ASIC2: variants seen among roughly 807,000 people sequenced by gnomAD.
The protein encoded by ASIC2 is acid-sensing ion channel 2.
Under a neutral mutation model 57.3 loss-of-function variants are expected in ASIC2, and 25 were observed. That is an observed-to-expected ratio of 0.44 (90% CI 0.32 to 0.61). ASIC2 has a LOEUF of 0.61. Ranked by LOEUF, ASIC2 falls within the 20% of genes least tolerant of loss-of-function variation. The pLI is 0.06. For synonymous variants in ASIC2, 319 were observed against 307.5 expected (o/e 1.04, Z -0.39); for missense variants, 641 against 738.1 (o/e 0.87, Z 1.52).
intron 1 of ASIC2, among the ~76,000 whole-genome samples, chr17:33,844,529 A>G (rs1201835317): frequency 1.3e-5 from 2 of 152,170 alleles, no homozygotes; most frequent in Admixed American, 1.3e-4. Context: ...CTGCCCCAAC[A>G]TTGCTGTTGT....
chr17:33,530,240 T>C (rs1171209093), intron 1 of ASIC2: 1 of 152,224 alleles, frequency 6.6e-6, no homozygotes, highest in Non-Finnish European at 1.5e-5. Flanking sequence ...CATGGAATAT[T>C]CTGTGTGTTG....
chr17:33,345,356 C>G (rs1907902625), intron 1 of ASIC2, among the ~76,000 whole-genome samples: 1 of 152,190 alleles, frequency 6.6e-6, no homozygotes, highest in African/African-American at 2.4e-5. Context: ...AGATCCCTAT[C>G]CTCACATATG....
chr17:33,351,137 C>T (rs1232775002), intron 1 of ASIC2, among the ~76,000 whole-genome samples: 2 of 152,246 alleles, frequency 1.3e-5, no homozygotes, highest in East Asian at 1.9e-4. Flanking sequence ...TTCTTTAAGC[C>T]TCAGTATCTA....
intron 1 of ASIC2, among the ~76,000 whole-genome samples, chr17:33,317,026 GC>G (rs1906684447): frequency 5.9e-5 from 9 of 152,228 alleles, no homozygotes. Context: ...GGGTCCAGTT[GC>G]CGGGAGAACA....
chr17:33,737,783 G>A (rs1423469942), intron 1 of ASIC2, among the ~76,000 whole-genome samples: 2 of 152,166 alleles, frequency 1.3e-5, no homozygotes, highest in African/African-American at 4.8e-5. Flanking sequence ...AGTCAAGGAA[G>A]AGACAGTTTA....
chr17:33,022,531 G>A (rs2091840832), intron 6 of ASIC2, among the ~76,000 whole-genome samples: 1 of 152,128 alleles, frequency 6.6e-6, no homozygotes, highest in Admixed American at 6.5e-5. Context: ...CACCCACTCG[G>A]CTCAGCCTAC....
At chr17:33,475,917 A>G (rs1018168857) in intron 1 of ASIC2, among the ~76,000 whole-genome samples, 2 of 152,156 alleles carry the variant, frequency 1.3e-5, no homozygotes, top group Non-Finnish European at 2.9e-5. Flanking sequence ...ATTTTGATCC[A>G]TTCTCCACGT....
At chr17:34,013,503 C>A (rs771092624) in intron 1 of ASIC2, among the ~76,000 whole-genome samples, 5 of 152,168 alleles carry the variant, frequency 3.3e-5, no homozygotes, top group Admixed American at 6.5e-5. Context: ...CCCTGCATTC[C>A]CAGTGCCTAG....
chr17:34,139,856 C>A (rs1159540275), intron 1 of ASIC2, among the ~76,000 whole-genome samples: 1 of 152,090 alleles, frequency 6.6e-6, no homozygotes, highest in Non-Finnish European at 1.5e-5. Context: ...GCCTTGAATG[C>A]ACTTAATACC....
chr17:33,715,949 C>A (rs376010504), intron 1 of ASIC2, among the ~76,000 whole-genome samples: 1 of 152,076 alleles, frequency 6.6e-6, no homozygotes, highest in African/African-American at 2.4e-5. Flanking sequence ...CTAATCACAC[C>A]GCCAACAGCT....
chr17:34,106,188 C>G (rs1395582435), intron 1 of ASIC2, among the ~76,000 whole-genome samples: 1 of 152,120 alleles, frequency 6.6e-6, no homozygotes, highest in East Asian at 1.9e-4. Context: ...CACACACTAT[C>G]TTAGGATATC....
Position 33,679,011 on chromosome 17 carries a change from C to T in ASIC2, c.555+476967G>A, listed in dbSNP as rs547071415. On this transcript the variant is annotated intron_variant, in intron 1 of 9. Coordinates refer to the ASIC2 transcript ENST00000359872. The stretch of plus-strand genomic sequence containing the variant: ...CCCTCAGCTCTGTGCATTTTGTCTA[C>T]AAGCAAGGTGACTTTGGGTTTAGTG... 7.9e-5 allele frequency among the ~76,000 whole-genome samples: 12 copies of T among 152,246 alleles called. No homozygotes were observed. In the South Asian group the frequency reaches 1.0e-3, roughly 13 times the overall value.
chr17:33,224,274 T>C (rs1306054593), intron 1 of ASIC2, among the ~76,000 whole-genome samples: 2 of 152,208 alleles, frequency 1.3e-5, no homozygotes, highest in Non-Finnish European at 2.9e-5. Context: ...AGGCCAGATA[T>C]AAAATACGAT....
At chr17:33,506,320 G>A (rs946029119) in intron 1 of ASIC2, among the ~76,000 whole-genome samples, 8 of 151,810 alleles carry the variant, frequency 5.3e-5, no homozygotes, top group South Asian at 4.2e-4. Context: ...GGCTGAGGCC[G>A]GCGAATGGTG....
chr17:33,592,398 C>T (rs975428516), intron 1 of ASIC2, among the ~76,000 whole-genome samples: 4 of 152,186 alleles, frequency 2.6e-5, no homozygotes, highest in Non-Finnish European at 5.9e-5. Context: ...TATCTCATAC[C>T]GGGGCATATG....
intron 1 of ASIC2, among the ~76,000 whole-genome samples, chr17:33,841,780 C>A (rs577329047): frequency 6.6e-6 from 1 of 152,144 alleles, no homozygotes; most frequent in Non-Finnish European, 1.5e-5. Context: ...GCTCTTGTGT[C>A]AAATCCCTAT....
At chr17:33,425,754 G>A (rs929829618) in intron 1 of ASIC2, among the ~76,000 whole-genome samples, 3 of 152,268 alleles carry the variant, frequency 2.0e-5, no homozygotes, top group East Asian at 1.9e-4. Flanking sequence ...GTCCTTGCGT[G>A]GCTATTAGGG....
intron 1 of ASIC2, among the ~76,000 whole-genome samples, chr17:33,315,334 C>T (rs887640485): frequency 1.3e-5 from 2 of 152,060 alleles, no homozygotes; most frequent in Non-Finnish European, 2.9e-5. Context: ...CCCGCTATGG[C>T]TATTATTCTG....
At chr17:33,540,487 C>A (rs1252527175) in intron 1 of ASIC2, among the ~76,000 whole-genome samples, 1 of 152,072 alleles carries the variant, frequency 6.6e-6, no homozygotes, top group East Asian at 1.9e-4. Flanking sequence ...GGGAGGACAA[C>A]AAGGGGAGGT....
Sources: allele counts gnomAD v4.1 joint callset (sites outside exome capture counted in the v4.1 genomes callset), GRCh38; gene constraint gnomAD v4.1.1; transcripts MANE v1.5; gene names NCBI Gene and HGNC (gene_info 2026-07-23, HGNC 2026-07-21).